The following DDX31 variants were observed in gnomAD, a reference collection of about 807,000 sequenced individuals.
DDX31 encodes the protein DEAD-box helicase 31, also known as ATP-dependent DNA helicase DDX31.
DDX31 carries 70 observed loss-of-function variants against 91.3 expected under a neutral mutation model. The observed-to-expected ratio is 0.77, with a 90% confidence interval of 0.63 to 0.94. The LOEUF is 0.94. DDX31 is among the 40% of genes least tolerant of loss of function. The probability of loss-of-function intolerance (pLI) is 0.00; values close to 1 mark genes in which losing one functional copy is unlikely to be tolerated. For missense variants in DDX31, 902 were observed against 925.0 expected (o/e 0.98, Z 0.32); for synonymous variants, 362 against 350.6 (o/e 1.03, Z -0.36).
At chr9:132,642,481 A>T (rs1663398782) in intron 13 of DDX31, among the ~76,000 whole-genome samples, 1 of 152,194 alleles carries the variant, frequency 6.6e-6, no homozygotes, top group South Asian at 2.1e-4. Context: ...AAAAGATTAG[A>T]TATTTATAAA....
At chr9:132,635,540 T>G (rs1015940733) in intron 14 of DDX31, among the ~76,000 whole-genome samples, 1 of 149,436 alleles carries the variant, frequency 6.7e-6, no homozygotes, top group African/African-American at 2.5e-5. Flanking sequence ...CTGGACGTCA[T>G]GATCTGCCCG....
intron 9 of DDX31, among the ~76,000 whole-genome samples, chr9:132,648,834 T>A (rs1242288901): frequency 6.6e-6 from 1 of 152,200 alleles, no homozygotes; most frequent in Non-Finnish European, 1.5e-5. Context: ...ATCTGACTCA[T>A]AAATCCTCTC....
intron 1 of DDX31, among the ~76,000 whole-genome samples, chr9:132,662,995 T>C (rs933022602): frequency 1.3e-5 from 2 of 152,226 alleles, no homozygotes; most frequent in Non-Finnish European, 2.9e-5. Flanking sequence ...ATTTTTCCAG[T>C]TGAATGTTAA....
At chr9:132,623,833 G>A (rs1038284020) in intron 17 of DDX31, among the ~76,000 whole-genome samples, 1 of 152,040 alleles carries the variant, frequency 6.6e-6, no homozygotes, top group Non-Finnish European at 1.5e-5. Context: ...CCACAGAGCT[G>A]CCCTGGAGCC....
intron 17 of DDX31, among the ~76,000 whole-genome samples, chr9:132,623,146 C>T (rs971845530): frequency 2.0e-5 from 3 of 151,708 alleles, no homozygotes; most frequent in Admixed American, 2.0e-4. Flanking sequence ...AAAAAAAGCC[C>T]TTTGGTCCTA....
intron 14 of DDX31, among the ~76,000 whole-genome samples, chr9:132,641,346 A>C (rs1217536334): frequency 3.9e-5 from 6 of 152,262 alleles, no homozygotes; most frequent in Non-Finnish European, 5.9e-5. Flanking sequence ...CTGGGGATTA[A>C]GTTACATCAT....
intron 13 of DDX31, among the ~76,000 whole-genome samples, chr9:132,642,465 T>G (rs72767877): frequency 0.016 from 2,463 of 152,178 alleles, 30 homozygotes; most frequent in Non-Finnish European, 0.026. Flanking sequence ...CTACAGGCAG[T>G]TTTTTAAAAG....
intron 13 of DDX31, among the ~76,000 whole-genome samples, chr9:132,643,012 C>A (rs759143555): frequency 6.6e-6 from 1 of 152,048 alleles, no homozygotes; most frequent in Non-Finnish European, 1.5e-5. Context: ...TCTGAAGAGA[C>A]GAGGTTTTGC....
chr9:132,626,561 A>G (rs1832406146), intron 16 of DDX31, among the ~76,000 whole-genome samples: 1 of 152,218 alleles, frequency 6.6e-6, no homozygotes, highest in Non-Finnish European at 1.5e-5. Context: ...TCCCAGGGAG[A>G]AAGAGAAACA....
chr9:132,615,714 C>T (rs752177350), intron 18 of DDX31, among the ~76,000 whole-genome samples: 11 of 152,138 alleles, frequency 7.2e-5, no homozygotes, highest in South Asian at 2.1e-4. Context: ...GATTTTTGTT[C>T]GGGAATCTGG....
rs572521564 is a variant in DDX31, at chr9:132,659,098, G to C, written c.524-363C>G. Among the ~76,000 whole-genome samples, 16 of 152,256 alleles carry C rather than the reference G, an allele frequency of 1.1e-4. No homozygotes were observed. The East Asian group carries it at 3.1e-3, about 29-fold the overall frequency. ...CCTACCCTCTCAGATGAGCTTCAGT[G>C]GTCAATTACATCTCTGCAGTGCTGA... is the stretch of plus-strand genomic sequence containing the variant. On this transcript the variant is annotated intron_variant, in intron 5 of 19. Coordinates refer to ENST00000372159, the MANE Select transcript of DDX31 (RefSeq NM_022779.9).
At chr9:132,647,620 G>C (rs184252) in intron 11 of DDX31, among the ~76,000 whole-genome samples, 117,288 of 152,014 alleles carry the variant, frequency 0.77, 45,533 homozygotes, top group African/African-American at 0.85. Flanking sequence ...AAACCAGACA[G>C]AAAAACGTGA....
chr9:132,648,679 A>G lies in DDX31; in HGVS notation c.741-128T>C. ...TGCAAACGTGCCATAGCCTGAAATC[A>G]TGACAAAACATAAAAACTGGGTAGA... is the stretch of plus-strand genomic sequence containing the variant. On this transcript the variant is annotated intron_variant, in intron 9 of 19. Transcript: ENST00000372159. The G allele has an allele frequency of 3.6e-6, 4 of 1,107,284 alleles. No homozygotes were observed. In the South Asian group the frequency reaches 7.2e-5, roughly 20 times the overall value. The allele number at this position is 1,107,284 out of a possible 1,614,324, so 68.6% of individuals were successfully genotyped here.
chr9:132,652,322 G>T, intron 7 of DDX31, 126 bp downstream of exon 7: 4 of 1,070,450 alleles, frequency 3.7e-6, no homozygotes, highest in South Asian at 1.5e-5. Flanking sequence ...ATGGTTTCCA[G>T]GCAAATGGAA....
chr9:132,658,986 G>A (rs1834762840), intron 5 of DDX31, among the ~76,000 whole-genome samples: 1 of 152,220 alleles, frequency 6.6e-6, no homozygotes, highest in Non-Finnish European at 1.5e-5. Context: ...CATCTAACAA[G>A]AGATAACGAT....
At chr9:132,660,733 C>T (rs895992884) in intron 4 of DDX31, among the ~76,000 whole-genome samples, 9 of 152,150 alleles carry the variant, frequency 5.9e-5, no homozygotes, top group African/African-American at 1.9e-4. Context: ...ATACTCAAAA[C>T]AAGGAAGCTC....
chr9:132,599,063 G>A (rs1448438531), intron 19 of DDX31, among the ~76,000 whole-genome samples: 1 of 152,146 alleles, frequency 6.6e-6, no homozygotes, highest in Admixed American at 6.5e-5. Context: ...ACAAATAGAT[G>A]AAAACATTGA....
At chr9:132,640,112 G>A (rs1195632246) in intron 14 of DDX31, among the ~76,000 whole-genome samples, 2 of 152,160 alleles carry the variant, frequency 1.3e-5, no homozygotes, top group African/African-American at 4.8e-5. Context: ...CACAGTCCTT[G>A]TCTTCATGAT....
intron 19 of DDX31, among the ~76,000 whole-genome samples, chr9:132,601,103 C>T (rs1450108415): frequency 6.6e-6 from 1 of 152,184 alleles, no homozygotes; most frequent in East Asian, 1.9e-4. Flanking sequence ...GGCAGAATCC[C>T]AGCCCCACAC....
Sources: gnomAD v4.1 joint callset for allele counts (sites outside exome capture counted in the v4.1 genomes callset) on GRCh38, gnomAD v4.1.1 for gene constraint, MANE v1.5 for transcripts, NCBI Gene and HGNC (gene_info 2026-07-23, HGNC 2026-07-21) for gene names.